The following COCH variants were observed in gnomAD, a reference collection of about 807,000 sequenced individuals.
COCH encodes the protein coagulation factor C homolog, cochlin (Limulus polyphemus).
A neutral mutation model predicts 54.8 loss-of-function variants in COCH; 40 were observed. That is an observed-to-expected ratio of 0.73 (90% CI 0.57 to 0.95). The LOEUF is 0.95. Ranked by LOEUF, COCH falls within the 40% of genes least tolerant of loss-of-function variation. The pLI, the probability that COCH is intolerant of heterozygous loss-of-function variation, is 0.00. For synonymous variants in COCH, 256 were observed against 237.9 expected (o/e 1.08, Z -0.70); for missense variants, 605 against 675.0 (o/e 0.90, Z 1.15).
intron 11 of COCH, among the ~76,000 whole-genome samples, chr14:30,888,726 G>A (rs1041329061): frequency 6.6e-6 from 1 of 151,700 alleles, no homozygotes; most frequent in Non-Finnish European, 1.5e-5. Flanking sequence ...AGGAAGTTGA[G>A]GCTGCAGTGA....
downstream of COCH, chr14:30,894,801 C>T (rs1896083332): frequency 3.2e-6 from 1 of 311,604 alleles, no homozygotes; most frequent in Non-Finnish European, 5.5e-6. Context: ...TTGTGACAGG[C>T]TAAATATATA....
chr14:30,884,845 A>C (rs1167106078), intron 9 of COCH, 189 bp downstream of exon 9: 2 of 1,457,936 alleles, frequency 1.4e-6, no homozygotes, highest in Non-Finnish European at 1.8e-6. Context: ...CAAAGTGTTG[A>C]TATTTCTTAT....
intron 8 of COCH, 116 bp downstream of exon 8, chr14:30,880,850 T>C (rs761179638): frequency 3.8e-6 from 3 of 783,176 alleles, no homozygotes; most frequent in Non-Finnish European, 4.3e-6. Context: ...CAATGTATAG[T>C]GGTCAAATCA....
intron 5 of COCH, 120 bp downstream of exon 5, chr14:30,879,064 C>A (rs970908263): frequency 7.1e-7 from 1 of 1,413,040 alleles, no homozygotes; most frequent in Non-Finnish European, 9.9e-7. Flanking sequence ...CTAAAGCTGA[C>A]CTATAGAGGT....
intron 9 of COCH, 142 bp downstream of exon 9, chr14:30,884,798 A>G: frequency 7.5e-7 from 1 of 1,328,504 alleles, no homozygotes; most frequent in Non-Finnish European, 1.0e-6. Flanking sequence ...GCATTTGATC[A>G]TCTGAGATAA....
intron 5 of COCH, 138 bp from the exon 6 acceptor site, chr14:30,879,285 T>C: frequency 1.1e-6 from 1 of 874,160 alleles, no homozygotes; most frequent in Non-Finnish European, 1.8e-6. Context: ...TCTCTGAAAC[T>C]AGCATGCAGC....
At position 30,889,906 on chromosome 14, in the gene COCH, A is replaced by C. The variant is rs1895927562; in HGVS notation, c.*115A>C. ...AGAATCAGATACAAAACTATTAAGT[A>C]TGTCAACAGCCATTTAGGCAAATAA... On this transcript the variant is annotated 3_prime_UTR_variant, in exon 12 of 12. Transcript: ENST00000396618. 11 of 1,448,926 alleles carry C rather than the reference A, an allele frequency of 7.6e-6. No homozygotes were observed. In the South Asian group the frequency reaches 1.7e-4, roughly 22 times the overall value. The allele number at this position is 1,448,926 out of a possible 1,614,324, so 89.8% of individuals were successfully genotyped here. A position where few individuals can be genotyped will look rare whatever the true frequency, so the allele number is the denominator to read the frequency against.
At chr14:30,880,309 T>C in intron 6 of COCH, 143 bp from the exon 7 acceptor site, 5 of 1,248,290 alleles carry the variant, frequency 4.0e-6, no homozygotes, top group Non-Finnish European at 5.6e-6. Flanking sequence ...CTTTCCCTAG[T>C]CCAGAAAATC....
chr14:30,895,608 CTGAG>C, downstream of COCH: 1 of 1,609,700 alleles, frequency 6.2e-7, no homozygotes, highest in Non-Finnish European at 8.5e-7. Flanking sequence ...AAATTTGTTA[CTGAG>C]TAACAATCTT....
At position 30,886,048 on chromosome 14, in the gene COCH, A is replaced by C; in HGVS notation, c.1213A>C (p.Lys405Gln). 19 of 1,614,260 alleles carry C rather than the reference A, an allele frequency of 1.2e-5. No homozygotes were observed. The highest frequency in any genetic ancestry group is 1.6e-5 in the Non-Finnish European group (19 of 1,180,040). Residue 405 changes from lysine (K) to glutamine (Q), a missense_variant, in exon 11 of 12, where the codon AAG (lysine) becomes CAG (glutamine). Lys to Gln is a moderately conservative substitution (Grantham distance 53). Transcript: ENST00000396618. ...KTFEISDIGA[K>Q]IAAVQFTYDQ... ...TTTTGAAATCTCGGACATTGGTGCC[A>C]AGATAGCTGCTGTACAGTTTACTTA... is the stretch of plus-strand genomic sequence containing the variant.
intron 4 of COCH, 97 bp from the exon 5 acceptor site, chr14:30,878,714 G>A (rs1374090391): frequency 1.9e-6 from 3 of 1,551,468 alleles, no homozygotes; most frequent in Non-Finnish European, 2.7e-6. Context: ...CTATTTTCTT[G>A]ATTAATCAAA....
At position 30,886,135 on chromosome 14, in the gene COCH, A is replaced by C; in HGVS notation, c.1300A>C (p.Ile434Leu). The change falls in exon 11 of 12, where the codon ATC becomes CTC. Residue 434 changes from isoleucine to leucine, a missense_variant. Physicochemically the swap from Ile to Leu is conservative, Grantham distance 5. Coordinates refer to ENST00000396618, the MANE Select transcript of COCH (RefSeq NM_004086.3). ...YSTKENVLAV[I>L]RNIRYMSGGT... ...CACCAAAGAGAATGTCCTAGCTGTC[A>C]TCAGAAACATCCGCTATATGAGTGG... The C allele has an allele frequency of 8.1e-6, 13 of 1,612,882 alleles. No individual in the cohort carries two copies. Among genetic ancestry groups the C allele is most frequent in the Non-Finnish European group, 1.1e-5 (13 of 1,178,880 alleles).
intron 11 of COCH, among the ~76,000 whole-genome samples, chr14:30,887,459 G>A (rs1895829895): frequency 6.6e-6 from 1 of 151,572 alleles, no homozygotes; most frequent in South Asian, 2.1e-4. Flanking sequence ...AACACACTCT[G>A]GTGTTATAAA....
At chr14:30,886,354 C>T (rs762936910) in intron 11 of COCH, 42 bp downstream of exon 11, 9 of 1,604,988 alleles carry the variant, frequency 5.6e-6, no homozygotes, top group South Asian at 2.2e-5. Context: ...ACAGAAAAAA[C>T]GGTTCAGTGA....
intron 8 of COCH, among the ~76,000 whole-genome samples, chr14:30,881,599 T>G (rs1012418348): frequency 2.0e-5 from 3 of 152,192 alleles, no homozygotes; most frequent in African/African-American, 7.2e-5. Context: ...TCTTTTTAGC[T>G]CTTTCCATAT....
At chr14:30,887,561 T>TA (rs1162600217) in intron 11 of COCH, among the ~76,000 whole-genome samples, 1 of 152,220 alleles carries the variant, frequency 6.6e-6, no homozygotes, top group East Asian at 1.9e-4. Flanking sequence ...CGTAATGTGT[T>TA]AGAGATCAAA....
intron 4 of COCH, 113 bp from the exon 5 acceptor site, chr14:30,878,698 G>C: frequency 5.5e-6 from 8 of 1,449,640 alleles, no homozygotes; most frequent in Non-Finnish European, 6.7e-6. Context: ...TGACTTCCCT[G>C]ATGAGCTATT....
chr14:30,893,034 GAA>G (rs528062953), downstream of COCH, among the ~76,000 whole-genome samples: 79 of 151,020 alleles, frequency 5.2e-4, no homozygotes, highest in Non-Finnish European at 8.8e-4. Context: ...CCTTATTGAA[GAA>G]AAGTTTCAAA....
intron 8 of COCH, 43 bp from the exon 9 acceptor site, chr14:30,884,510 C>G (rs758450127): frequency 9.4e-6 from 13 of 1,378,808 alleles, no homozygotes; most frequent in African/African-American, 1.4e-5. Flanking sequence ...CTTATTTTAC[C>G]TTTTTAATTC....
Sources: gnomAD v4.1 joint callset for allele counts (sites outside exome capture counted in the v4.1 genomes callset) on GRCh38, gnomAD v4.1.1 for gene constraint, MANE v1.5 for transcripts, NCBI Gene and HGNC (gene_info 2026-07-23, HGNC 2026-07-21) for gene names.